Variants in UBL3 observed in about 807,000 individuals in gnomAD.
UBL3 encodes ubiquitin like 3, also known as ubiquitin-like protein 3.
Under a neutral mutation model 18.4 loss-of-function variants are expected in UBL3, and 6 were observed. The observed-to-expected ratio is 0.33, with a 90% CI of 0.18 to 0.64. The LOEUF (loss-of-function observed/expected upper bound fraction) is 0.64. UBL3 is among the 30% of genes least tolerant of loss of function. UBL3 has a pLI of 0.76. For synonymous variants in UBL3, 49 were observed against 46.6 expected, an observed-to-expected ratio of 1.05 and a Z score of -0.21; for missense variants, 109 against 142.9, an observed-to-expected ratio of 0.76 and a Z score of 1.21.
intron 1 of UBL3, among the ~76,000 whole-genome samples, chr13:29,790,727 C>T (rs1463962666): frequency 6.6e-5 from 10 of 151,826 alleles, no homozygotes; most frequent in Admixed American, 6.6e-4. Context: ...AATTTTCTTT[C>T]CCATATTACC....
chr13:29,842,228 G>A (rs1879124280), intron 1 of UBL3, among the ~76,000 whole-genome samples: 1 of 144,648 alleles, frequency 6.9e-6, no homozygotes, highest in Non-Finnish European at 1.5e-5. Flanking sequence ...TGCAACCTCT[G>A]CTCACTGCAA....
At chr13:29,837,039 T>C (rs1878976428) in intron 1 of UBL3, among the ~76,000 whole-genome samples, 1 of 152,234 alleles carries the variant, frequency 6.6e-6, no homozygotes, top group Non-Finnish European at 1.5e-5. Flanking sequence ...CTGACTGCCC[T>C]GAATTCAGGC....
chr13:29,835,598 C>T (rs1878940480), intron 1 of UBL3, among the ~76,000 whole-genome samples: 1 of 150,986 alleles, frequency 6.6e-6, no homozygotes, highest in Admixed American at 6.6e-5. Flanking sequence ...CTACTAAAAA[C>T]ACAATAATTA....
At chr13:29,782,561 T>A (rs188067755) in intron 1 of UBL3, among the ~76,000 whole-genome samples, 183 of 152,288 alleles carry the variant, frequency 1.2e-3, no homozygotes, top group African/African-American at 4.2e-3. Flanking sequence ...CAGACCCTAC[T>A]ACTCCCTCCT....
chr13:29,794,442 T>G (rs1469412882), intron 1 of UBL3, among the ~76,000 whole-genome samples: 2 of 152,128 alleles, frequency 1.3e-5, no homozygotes, highest in South Asian at 2.1e-4. Flanking sequence ...GAAAACTAAG[T>G]ACCCAGGTAT....
At chr13:29,840,376 G>A (rs1038067653) in intron 1 of UBL3, among the ~76,000 whole-genome samples, 2 of 152,128 alleles carry the variant, frequency 1.3e-5, no homozygotes, top group Non-Finnish European at 2.9e-5. Flanking sequence ...ACTCCAGAGG[G>A]CTTCACCAGT....
intron 1 of UBL3, among the ~76,000 whole-genome samples, chr13:29,795,011 A>C (rs1877572357): frequency 6.6e-6 from 1 of 152,212 alleles, no homozygotes; most frequent in Non-Finnish European, 1.5e-5. Context: ...TAGCCAAAAC[A>C]TTCTTATCTT....
chr13:29,828,779 C>T (rs1878691466), intron 1 of UBL3, among the ~76,000 whole-genome samples: 1 of 152,218 alleles, frequency 6.6e-6, no homozygotes, highest in Non-Finnish European at 1.5e-5. Context: ...GGCTTTTCTG[C>T]TCTGTTTTTT....
chr13:29,816,353 A>AT (rs1878280869), intron 1 of UBL3, among the ~76,000 whole-genome samples: 1 of 152,144 alleles, frequency 6.6e-6, no homozygotes, highest in African/African-American at 2.4e-5. Flanking sequence ...ACAATAAGGA[A>AT]TTTTTACCAT....
intron 2 of UBL3, among the ~76,000 whole-genome samples, chr13:29,773,339 T>C (rs978466073): frequency 6.6e-6 from 1 of 152,140 alleles, no homozygotes; most frequent in Non-Finnish European, 1.5e-5. Flanking sequence ...TCTTCCCTCT[T>C]CTGTCTCCTG....
chr13:29,813,651 C>T (rs1878175278), intron 1 of UBL3, among the ~76,000 whole-genome samples: 1 of 151,994 alleles, frequency 6.6e-6, no homozygotes, highest in Non-Finnish European at 1.5e-5. Context: ...ATTTAACATA[C>T]AGGAAAGGAC....
At chr13:29,833,962 C>T (rs986876172) in intron 1 of UBL3, among the ~76,000 whole-genome samples, 10 of 152,146 alleles carry the variant, frequency 6.6e-5, no homozygotes, top group Admixed American at 2.6e-4. Flanking sequence ...CCGCAGCGGG[C>T]AGATCACGAG....
At chr13:29,844,382 A>G (rs1263617575) in intron 1 of UBL3, among the ~76,000 whole-genome samples, 1 of 152,208 alleles carries the variant, frequency 6.6e-6, no homozygotes, top group Non-Finnish European at 1.5e-5. Flanking sequence ...TTCACAATCT[A>G]TATTAGGTGC....
intron 1 of UBL3, among the ~76,000 whole-genome samples, chr13:29,786,581 T>C (rs1877324601): frequency 6.6e-6 from 1 of 152,222 alleles, no homozygotes; most frequent in Non-Finnish European, 1.5e-5. Context: ...GCAATCATAT[T>C]TGCGAAGAAG....
chr13:29,805,686 G>GA (rs1205387943), intron 1 of UBL3, among the ~76,000 whole-genome samples: 1 of 152,090 alleles, frequency 6.6e-6, no homozygotes, highest in African/African-American at 2.4e-5. Flanking sequence ...CAACATTCAA[G>GA]AAGCTGAGAT....
chr13:29,801,217 T>C (rs1356830488), intron 1 of UBL3, among the ~76,000 whole-genome samples: 1 of 151,992 alleles, frequency 6.6e-6, no homozygotes, highest in Non-Finnish European at 1.5e-5. Context: ...CCCAGTCTCT[T>C]TTCTCTGTGA....
intron 1 of UBL3, among the ~76,000 whole-genome samples, chr13:29,788,003 G>A (rs960247711): frequency 3.9e-5 from 6 of 152,114 alleles, no homozygotes; most frequent in African/African-American, 1.4e-4. Flanking sequence ...GCATGATGGT[G>A]GAAGTTTTTT....
chr13:29,801,949 G>T (rs1400450721), intron 1 of UBL3, among the ~76,000 whole-genome samples: 1 of 152,208 alleles, frequency 6.6e-6, no homozygotes, highest in South Asian at 2.1e-4. Flanking sequence ...TCCAAACTGG[G>T]AAGGGAACAT....
intron 1 of UBL3, among the ~76,000 whole-genome samples, chr13:29,780,137 A>G (rs562163329): frequency 4.0e-5 from 6 of 151,690 alleles, no homozygotes; most frequent in African/African-American, 7.2e-5. Context: ...GGAGGATCAC[A>G]AGATCAGGAG....
Sources: gnomAD v4.1 joint callset for allele counts (sites outside exome capture counted in the v4.1 genomes callset) on GRCh38, gnomAD v4.1.1 for gene constraint, MANE v1.5 for transcripts, NCBI Gene and HGNC (gene_info 2026-07-23, HGNC 2026-07-21) for gene names.